Variants in LRRTM4 observed in about 807,000 individuals in gnomAD.
The protein encoded by LRRTM4 is leucine-rich repeat transmembrane neuronal protein 4.
LRRTM4 carries 25 observed loss-of-function variants against 47.6 expected under a neutral mutation model. The observed-to-expected ratio is 0.53, with a 90% confidence interval of 0.38 to 0.73. The LOEUF is 0.73. LRRTM4 is among the 30% of genes least tolerant of loss of function. The pLI, the probability that LRRTM4 is intolerant of heterozygous loss-of-function variation, is 0.00. For missense variants in LRRTM4, 638 were observed against 713.4 expected (o/e 0.89, Z 1.20); for synonymous variants, 311 against 269.5 (o/e 1.15, Z -1.51).
chr2:76,870,960 T>C (rs1316704296), intron 3 of LRRTM4, among the ~76,000 whole-genome samples: 2 of 152,226 alleles, frequency 1.3e-5, no homozygotes, highest in Non-Finnish European at 2.9e-5. Context: ...CTTTGCTCTC[T>C]GAATGAATCC....
At chr2:77,343,423 AT>A (rs1671447055) in intron 3 of LRRTM4, among the ~76,000 whole-genome samples, 1 of 152,062 alleles carries the variant, frequency 6.6e-6, no homozygotes, top group African/African-American at 2.4e-5. Flanking sequence ...ATTTTATTTT[AT>A]GTATATTAAC....
chr2:77,518,861 G>T lies in LRRTM4; in HGVS notation c.1008C>A (p.Thr336=). ...TGTGCTTAGGTCCCGCACATATCAT[G>T]GTGCTTTCCTTATTTCCTTTGAAAT... ...LKNFKGNKES[T]MICAGPKHIQ... is the part of the protein sequence containing the mutation. Residue 336 remains threonine (T), a synonymous_variant, in exon 3 of 4, where the codon ACC becomes ACA. Transcript: ENST00000409884. 1 of 1,606,782 alleles carries T rather than the reference G, an allele frequency of 6.2e-7. No homozygotes were observed. The highest frequency in any genetic ancestry group is 8.5e-7 in the Non-Finnish European group (1 of 1,176,082).
intron 3 of LRRTM4, among the ~76,000 whole-genome samples, chr2:76,842,402 T>C (rs1671710213): frequency 1.3e-5 from 2 of 152,196 alleles, no homozygotes; most frequent in Non-Finnish European, 1.5e-5. Context: ...AATAAATATG[T>C]ATGTCACACA....
intron 3 of LRRTM4, among the ~76,000 whole-genome samples, chr2:77,016,532 A>G (rs1481948794): frequency 6.6e-6 from 1 of 152,178 alleles, no homozygotes; most frequent in East Asian, 1.9e-4. Flanking sequence ...AATGTATTAC[A>G]ATCATGTTGC....
intron 3 of LRRTM4, among the ~76,000 whole-genome samples, chr2:77,299,596 C>T (rs981667685): frequency 5.3e-5 from 8 of 151,884 alleles, no homozygotes; most frequent in African/African-American, 1.7e-4. Flanking sequence ...GGTAGCAGAA[C>T]GCTTGTTTAT....
intron 3 of LRRTM4, among the ~76,000 whole-genome samples, chr2:77,137,533 A>C (rs982234257): frequency 6.6e-6 from 1 of 152,040 alleles, no homozygotes; most frequent in Non-Finnish European, 1.5e-5. Flanking sequence ...CCAAATTGTA[A>C]AGACCATCAA....
chr2:77,390,696 A>T (rs2103813601), intron 3 of LRRTM4, among the ~76,000 whole-genome samples: 1 of 151,710 alleles, frequency 6.6e-6, no homozygotes, highest in Non-Finnish European at 1.5e-5. Context: ...TATGATGATG[A>T]TGATTTTCAA....
intron 3 of LRRTM4, among the ~76,000 whole-genome samples, chr2:77,188,973 A>G (rs2103873906): frequency 6.6e-6 from 1 of 152,306 alleles, no homozygotes; most frequent in South Asian, 2.1e-4. Context: ...TTTGGTTGAT[A>G]GTAGTAATTT....
chr2:77,381,562 CATAA>C (rs1367620988), intron 3 of LRRTM4, among the ~76,000 whole-genome samples: 2 of 151,848 alleles, frequency 1.3e-5, no homozygotes, highest in Non-Finnish European at 2.9e-5. Flanking sequence ...TAATCTCAGC[CATAA>C]ATAAATAAAA....
chr2:76,898,809 T>TA (rs771892887), intron 3 of LRRTM4, among the ~76,000 whole-genome samples: 3 of 151,014 alleles, frequency 2.0e-5, no homozygotes, highest in African/African-American at 7.3e-5. Flanking sequence ...ATAGAGATTT[T>TA]ATATTTTATA....
chr2:77,339,118 A>G (rs940434367), intron 3 of LRRTM4, among the ~76,000 whole-genome samples: 2 of 151,614 alleles, frequency 1.3e-5, no homozygotes, highest in African/African-American at 4.9e-5. Context: ...AAGGGGAACA[A>G]GGGTTAAAAA....
chr2:76,748,349 C>A lies in LRRTM4; in HGVS notation c.*346G>T. On this transcript the variant is annotated 3_prime_UTR_variant, in exon 4 of 4. Transcript: ENST00000409884. ...CCCTGTGGTTCTCCAGCCCAGGAAC[C>A]ATGCAGTGTAGAAAAATCAAATATA... The A allele has an allele frequency of 4.3e-6, 1 of 231,086 alleles. No individual in the cohort carries two copies. The highest frequency in any genetic ancestry group is 8.6e-6 in the Non-Finnish European group (1 of 116,856). The allele number at this position is 231,086 out of a possible 1,614,324, so 14.3% of individuals were successfully genotyped here. A position where few individuals can be genotyped will look rare whatever the true frequency, so the allele number is the denominator to read the frequency against.
At chr2:77,299,356 T>C (rs957526405) in intron 3 of LRRTM4, among the ~76,000 whole-genome samples, 1 of 151,298 alleles carries the variant, frequency 6.6e-6, no homozygotes, top group African/African-American at 2.4e-5. Context: ...TATATATGTA[T>C]ATATGTGTGT....
At chr2:77,035,789 A>T (rs890350573) in intron 3 of LRRTM4, among the ~76,000 whole-genome samples, 2 of 151,798 alleles carry the variant, frequency 1.3e-5, no homozygotes, top group African/African-American at 4.8e-5. Flanking sequence ...GTTGGAGAGC[A>T]TGTGAGTTGA....
intron 3 of LRRTM4, among the ~76,000 whole-genome samples, chr2:77,413,741 T>G (rs941299658): frequency 6.6e-6 from 1 of 151,808 alleles, no homozygotes; most frequent in Non-Finnish European, 1.5e-5. Flanking sequence ...CAGAAAAAAA[T>G]GCACACTATC....
At chr2:77,362,016 G>A (rs979582802) in intron 3 of LRRTM4, among the ~76,000 whole-genome samples, 1 of 152,008 alleles carries the variant, frequency 6.6e-6, no homozygotes. Context: ...TTGGCTCCAG[G>A]AGGTGGAAGC....
chr2:76,937,376 C>A (rs1016855862), intron 3 of LRRTM4, among the ~76,000 whole-genome samples: 4 of 152,188 alleles, frequency 2.6e-5, no homozygotes, highest in Middle Eastern at 3.4e-3. Context: ...CTTTGACAAC[C>A]CTTTTCCTGA....
intron 3 of LRRTM4, among the ~76,000 whole-genome samples, chr2:77,091,955 C>A (rs375431506): frequency 0.016 from 2,207 of 139,552 alleles, 58 homozygotes; most frequent in African/African-American, 0.059. Context: ...GAACCAGGAC[C>A]ACACCCTGTA....
intron 3 of LRRTM4, among the ~76,000 whole-genome samples, chr2:77,454,915 C>T (rs529370671): frequency 2.2e-4 from 34 of 152,012 alleles, no homozygotes; most frequent in East Asian, 3.9e-4. Context: ...TGGCCAGGAG[C>T]GGTGGCTCTC....
Sources: allele counts gnomAD v4.1 joint callset (sites outside exome capture counted in the v4.1 genomes callset), GRCh38; gene constraint gnomAD v4.1.1; transcripts MANE v1.5; gene names NCBI Gene and HGNC (gene_info 2026-07-23, HGNC 2026-07-21).